The following LIFR variants were observed in gnomAD, a reference collection of about 807,000 sequenced individuals.
LIFR encodes the protein LIF receptor subunit alpha.
A neutral mutation model predicts 122.2 loss-of-function variants in LIFR; 84 were observed. The ratio of observed to expected loss-of-function variants is 0.69; its 90% CI spans 0.58 to 0.82. LIFR has a LOEUF of 0.82. Ranked by LOEUF, LIFR falls within the 40% of genes least tolerant of loss-of-function variation. LIFR has a pLI of 0.00. For missense variants in LIFR, 1,294 were observed against 1,311.6 expected (o/e 0.99, Z 0.21); for synonymous variants, 422 against 434.7 (o/e 0.97, Z 0.36).
intron 1 of LIFR, among the ~76,000 whole-genome samples, chr5:38,562,566 T>C (rs775967555): frequency 2.0e-5 from 3 of 152,226 alleles, no homozygotes; most frequent in Non-Finnish European, 2.9e-5. Flanking sequence ...TGAGTGGTGA[T>C]ATTAAGCCCA....
chr5:38,606,755 A>G (rs1208024925), intron 1 of LIFR, among the ~76,000 whole-genome samples: 1 of 152,186 alleles, frequency 6.6e-6, no homozygotes, highest in African/African-American at 2.4e-5. Context: ...TGCCTGTCCC[A>G]CTGCCAAGCC....
intron 1 of LIFR, among the ~76,000 whole-genome samples, chr5:38,564,754 A>G (rs1372698966): frequency 6.7e-6 from 1 of 149,978 alleles, no homozygotes; most frequent in East Asian, 1.9e-4. Context: ...ACACACACAC[A>G]CACACACACA....
Position 38,476,750 on chromosome 5 carries a change from T to C in LIFR, c.*4845A>G, listed in dbSNP as rs1434777644. On this transcript the variant is annotated 3_prime_UTR_variant, in exon 20 of 20. Coordinates refer to ENST00000453190, the MANE Select transcript of LIFR (RefSeq NM_001127671.2). Reference sequence around the variant, plus strand: ...TTATAAGAGCTTTTGATGTACTGTTTCTACGGTTCTTTAGGCACTTACACA... The same window carrying C: ...TTATAAGAGCTTTTGATGTACTGTTCCTACGGTTCTTTAGGCACTTACACA... The C allele has an allele frequency of 9.5e-6, 2 of 210,822 alleles. No homozygotes were observed. Among genetic ancestry groups the C allele is most frequent in the African/African-American group, 4.5e-5 (2 of 44,148 alleles). 13.1% of individuals were successfully genotyped at this position (210,822 alleles called of 1,614,324 possible). A position where few individuals can be genotyped will look rare whatever the true frequency, so the allele number is the denominator to read the frequency against.
rs377347062 is a variant in LIFR, at chr5:38,496,493, G to A, written c.1774C>T (p.His592Tyr). 2 of 1,613,650 alleles carry A rather than the reference G, an allele frequency of 1.2e-6. No individual in the cohort carries two copies. The highest frequency in any genetic ancestry group is 2.7e-5 in the African/African-American group (2 of 74,910). ...QSLSEIPDPQHKAEIRLDKND... is the reference protein window; with the variant it reads ...QSLSEIPDPQYKAEIRLDKND... Reference sequence around the variant, plus strand: ...TTATCAAGTCGTATCTCTGCTTTGTGCTGAGGATCAGGGATTTCAGAAAGG... The same window carrying A: ...TTATCAAGTCGTATCTCTGCTTTGTACTGAGGATCAGGGATTTCAGAAAGG... The change falls in exon 13 of 20, where the codon CAC becomes TAC. Residue 592 changes from histidine to tyrosine, a missense_variant. His to Tyr is a moderately conservative substitution (Grantham distance 83, BLOSUM62 2). Coordinates refer to ENST00000453190, the MANE Select transcript of LIFR (RefSeq NM_001127671.2).
chr5:38,498,772 A>C (rs1030041295), intron 12 of LIFR, among the ~76,000 whole-genome samples: 24 of 152,334 alleles, frequency 1.6e-4, no homozygotes, highest in African/African-American at 5.8e-4. Context: ...TTTTCTAATC[A>C]AGAGTGGATG....
intron 1 of LIFR, among the ~76,000 whole-genome samples, chr5:38,563,557 G>A (rs1748908796): frequency 6.6e-6 from 1 of 152,156 alleles, no homozygotes; most frequent in Non-Finnish European, 1.5e-5. Context: ...TAATTCCAAA[G>A]TCATCATAAT....
In LIFR at chr5:38,496,448, C is replaced by T. The variant is rs773256377; in HGVS notation, c.1819G>A (p.Val607Ile). The change falls in exon 13 of 20, where the codon GTA (valine) becomes ATA (isoleucine). Residue 607 changes from valine (V) to isoleucine (I), a missense_variant. By Grantham distance (29) the Val-to-Ile change is conservative. Transcript: ENST00000453190. The part of the protein sequence containing the change: ...RLDKNDYIIS[V>I]VAKNSVGSSP... ...GAGCCCACAGAATTTTTAGCCACTA[C>T]GCTGATGATGTAGTCATTCTTATCA... is the stretch of plus-strand genomic sequence containing the variant. The T allele has an allele frequency of 1.5e-5, 25 of 1,614,028 alleles. No homozygotes were observed. The highest frequency in any genetic ancestry group is 2.2e-5 in the South Asian group (2 of 91,088).
At chr5:38,516,533 C>G (rs1252633550) in intron 5 of LIFR, among the ~76,000 whole-genome samples, 1 of 151,998 alleles carries the variant, frequency 6.6e-6, no homozygotes, top group South Asian at 2.1e-4. Flanking sequence ...GTTAGAATGG[C>G]GATCATTAAA....
chr5:38,532,622 A>C (rs1747073915), intron 1 of LIFR, among the ~76,000 whole-genome samples: 1 of 152,216 alleles, frequency 6.6e-6, no homozygotes, highest in Non-Finnish European at 1.5e-5. Flanking sequence ...CTTAAGCAGG[A>C]TAATAAAGAA....
chr5:38,501,501 C>A (rs1182190561), intron 11 of LIFR, among the ~76,000 whole-genome samples: 2 of 152,116 alleles, frequency 1.3e-5, no homozygotes, highest in Non-Finnish European at 2.9e-5. Context: ...CGCCTGTAAT[C>A]CCAGTACTTT....
chr5:38,520,719 A>G (rs1746354550), intron 5 of LIFR, among the ~76,000 whole-genome samples: 1 of 152,144 alleles, frequency 6.6e-6, no homozygotes, highest in Admixed American at 6.5e-5. Context: ...TGTTCTTGGT[A>G]CCTTTGTCAA....
rs140997638 is a variant in LIFR, at chr5:38,538,898, C to T, written c.-19-8232G>A. On this transcript the variant is annotated intron_variant, in intron 1 of 19. Transcript: ENST00000453190. ...ACAACCGTCCACACTAAAATTCACA[C>T]GTCTATTCCGCAATCTTCTTCCACC... Among the ~76,000 whole-genome samples, 22 of 152,336 alleles carry T rather than the reference C, an allele frequency of 1.4e-4. No homozygotes were observed. In the East Asian group the frequency reaches 3.5e-3, roughly 24 times the overall value.
At position 38,512,106 on chromosome 5, in the gene LIFR, A is replaced by C. The variant is rs1745832431; in HGVS notation, c.562-142T>G. ...CCTTTAATACAACTCAGTTTTGTGTAAGGTATAATAGCAGAGTAACAATAA... is the reference window on the plus strand; with the variant it reads ...CCTTTAATACAACTCAGTTTTGTGTCAGGTATAATAGCAGAGTAACAATAA... On this transcript the variant is annotated intron_variant, in intron 5 of 19. Coordinates refer to ENST00000453190, the MANE Select transcript of LIFR (RefSeq NM_001127671.2). 7 of 795,696 alleles carry C rather than the reference A, an allele frequency of 8.8e-6. No individual in the cohort carries two copies. In the South Asian group the frequency reaches 1.0e-4, roughly 12 times the overall value. 49.3% of individuals were successfully genotyped at this position (795,696 alleles called of 1,614,324 possible).
At chr5:38,589,769 C>A (rs995845055) in intron 1 of LIFR, among the ~76,000 whole-genome samples, 4 of 149,792 alleles carry the variant, frequency 2.7e-5, no homozygotes, top group Non-Finnish European at 4.4e-5. Context: ...CCTTCTTTGT[C>A]CTCGAGCAGA....
chr5:38,482,489 T>C, intron 19 of LIFR, 100 bp downstream of exon 19: 1 of 733,064 alleles, frequency 1.4e-6, no homozygotes, highest in Non-Finnish European at 2.3e-6. Context: ...TTCCCAATAC[T>C]TTTTAATTAA....
rs1276712257 is a variant in LIFR, at chr5:38,526,484, G to A, written c.397+671C>T. On this transcript the variant is annotated intron_variant, in intron 4 of 19. Transcript: ENST00000453190. Reference sequence around the variant, plus strand: ...AATCTTGTTTGCTTTATATAATTTAGAAAGCATCTTTAGATCCACAGACAC... The same window carrying A: ...AATCTTGTTTGCTTTATATAATTTAAAAAGCATCTTTAGATCCACAGACAC... Among the ~76,000 whole-genome samples, 3 of 151,456 alleles carry A rather than the reference G, an allele frequency of 2.0e-5. No individual in the cohort carries two copies. The South Asian group carries it at 6.3e-4, about 32-fold the overall frequency.
chr5:38,564,259 A>G (rs1197963384), intron 1 of LIFR, among the ~76,000 whole-genome samples: 2 of 145,950 alleles, frequency 1.4e-5, no homozygotes, highest in African/African-American at 5.1e-5. Context: ...TTTTTAGACT[A>G]CTGCCCAGGC....
At chr5:38,488,086 C>T (rs1157708575) in intron 16 of LIFR, among the ~76,000 whole-genome samples, 1 of 152,216 alleles carries the variant, frequency 6.6e-6, no homozygotes, top group Admixed American at 6.5e-5. Flanking sequence ...TACCATGTCT[C>T]ACTGGAAATC....
In LIFR at chr5:38,502,645, G is replaced by C. The variant is rs763740424; in HGVS notation, c.1592C>G (p.Thr531Arg). The C allele has an allele frequency of 4.3e-6, 7 of 1,611,928 alleles. No homozygotes were observed. In the Admixed American group the frequency reaches 1.2e-4, roughly 27 times the overall value. Reference protein sequence around the residue: ...KWSNKKQHLTTEASPSKGPDT... With the variant: ...KWSNKKQHLTREASPSKGPDT... Reference sequence around the variant, plus strand: ...TCACTTAGTTAACTTACTGGCTTCTGTTGTTAAATGTTGTTTTTTATTGCT... The same window carrying C: ...TCACTTAGTTAACTTACTGGCTTCTCTTGTTAAATGTTGTTTTTTATTGCT... The change falls in exon 11 of 20, where the codon ACA (threonine) becomes AGA (arginine). Residue 531 changes from threonine to arginine, a missense_variant. By Grantham distance (71) the Thr-to-Arg change is moderately conservative. Coordinates refer to ENST00000453190, the MANE Select transcript of LIFR (RefSeq NM_001127671.2).
Sources: gnomAD v4.1 joint callset for allele counts (sites outside exome capture counted in the v4.1 genomes callset) on GRCh38, gnomAD v4.1.1 for gene constraint, MANE v1.5 for transcripts, NCBI Gene and HGNC (gene_info 2026-07-23, HGNC 2026-07-21) for gene names.